The following SLC25A48 variants were observed in gnomAD, a reference collection of about 807,000 sequenced individuals.
SLC25A48 encodes CTC-321K16.1.
Under a neutral mutation model 32.2 loss-of-function variants are expected in SLC25A48, and 29 were observed. That is an observed-to-expected ratio of 0.90 (90% CI 0.67 to 1.23). The LOEUF (loss-of-function observed/expected upper bound fraction) is 1.23, where lower values mean the gene tolerates loss of function less well. Among genes scored for constraint, SLC25A48 ranks in the 50% most tolerant of loss-of-function variants. The pLI is 0.00. For synonymous variants in SLC25A48, 164 were observed against 172.3 expected, an observed-to-expected ratio of 0.95 and a Z score of 0.38; for missense variants, 399 against 422.7, an observed-to-expected ratio of 0.94 and a Z score of 0.49.
At chr5:135,603,761 T>C (rs1751860956) in intron 1 of SLC25A48, among the ~76,000 whole-genome samples, 1 of 151,996 alleles carries the variant, frequency 6.6e-6, no homozygotes, top group African/African-American at 2.4e-5. Context: ...CCTTTAGCAA[T>C]GAGATGCTCA....
Position 135,780,803 on chromosome 5 carries a change from A to G in SLC25A48, c.-520-31720A>G. Among the ~76,000 whole-genome samples, 2 of 115,978 alleles carry G rather than the reference A, an allele frequency of 1.7e-5. 1 individual carries two copies. The highest frequency in any genetic ancestry group is 1.8e-4 in the Admixed American group (2 of 11,208). The allele number at this position is 115,978 out of a possible 152,430, so 76.1% of individuals were successfully genotyped here. A position where few individuals can be genotyped will look rare whatever the true frequency, so the allele number is the denominator to read the frequency against. On this transcript the variant is annotated intron_variant, in intron 3 of 10. Coordinates refer to the SLC25A48 transcript ENST00000646290. ...TAATATCCGGGGAGGTGGGGAGAGG[A>G]TGATATTACTCCCAATATCGCAGGC...
chr5:135,672,754 A>G (rs1462485062), intron 3 of SLC25A48, among the ~76,000 whole-genome samples: 1 of 152,234 alleles, frequency 6.6e-6, no homozygotes, highest in African/African-American at 2.4e-5. Flanking sequence ...ACATATTTAA[A>G]GTGTGCAATT....
chr5:135,871,523 G>T lies in SLC25A48; in HGVS notation c.484G>T (p.Val162Leu). The T allele has an allele frequency of 3.1e-6, 5 of 1,613,326 alleles. No homozygotes were observed. The highest frequency in any genetic ancestry group is 4.2e-6 in the Non-Finnish European group (5 of 1,179,358). Residue 162 changes from valine (V) to leucine (L), a missense_variant, in exon 5 of 8, where the codon GTG becomes TTG. Physicochemically the swap from Val to Leu is conservative, Grantham distance 32 (BLOSUM62 1). Coordinates refer to ENST00000681962, the MANE Select transcript of SLC25A48 (RefSeq NM_001349336.2). ...PAEQPAYQGP[V>L]HCITTIVRNE... ...GGAGCAGCCAGCATACCAGGGGCCAGTGCACTGCATTACAACCATTGTGAG... is the reference window on the plus strand; with the variant it reads ...GGAGCAGCCAGCATACCAGGGGCCATTGCACTGCATTACAACCATTGTGAG...
intron 6 of SLC25A48, among the ~76,000 whole-genome samples, chr5:135,877,470 T>A (rs1055186537): frequency 1.3e-5 from 2 of 152,012 alleles, no homozygotes; most frequent in African/African-American, 4.8e-5. Flanking sequence ...CCAGGAAACC[T>A]GAACTGCAGG....
chr5:135,787,903 A>G (rs1402108088), intron 3 of SLC25A48, among the ~76,000 whole-genome samples: 4 of 151,914 alleles, frequency 2.6e-5, no homozygotes, highest in Non-Finnish European at 5.9e-5. Context: ...TATTACTGCT[A>G]ATAGCCTTGG....
intron 3 of SLC25A48, among the ~76,000 whole-genome samples, chr5:135,755,367 TTCA>T (rs1297057418): frequency 6.6e-6 from 1 of 152,044 alleles, no homozygotes; most frequent in African/African-American, 2.4e-5. Flanking sequence ...CACTGTGGTA[TTCA>T]TCATATCTAA....
At chr5:135,757,619 T>C (rs943888617) in intron 3 of SLC25A48, among the ~76,000 whole-genome samples, 13 of 149,596 alleles carry the variant, frequency 8.7e-5, no homozygotes, top group Non-Finnish European at 1.9e-4. Flanking sequence ...ATGATATTAA[T>C]AAAATATCTA....
At chr5:135,797,940 G>T (rs548881011) in intron 3 of SLC25A48, among the ~76,000 whole-genome samples, 8 of 151,996 alleles carry the variant, frequency 5.3e-5, no homozygotes, top group African/African-American at 1.7e-4. Flanking sequence ...ACCGCATGGG[G>T]TGTACACCCC....
intron 1 of SLC25A48, among the ~76,000 whole-genome samples, chr5:135,627,403 A>C (rs1752462374): frequency 6.6e-6 from 1 of 152,116 alleles, no homozygotes; most frequent in Non-Finnish European, 1.5e-5. Flanking sequence ...GGTCATGACT[A>C]TGATTCTGCC....
At chr5:135,731,050 A>T (rs1291750331) in intron 3 of SLC25A48, among the ~76,000 whole-genome samples, 2 of 152,210 alleles carry the variant, frequency 1.3e-5, no homozygotes, top group Non-Finnish European at 2.9e-5. Flanking sequence ...GTGAGCAACA[A>T]GGCTGTTTAT....
intron 1 of SLC25A48, among the ~76,000 whole-genome samples, chr5:135,628,283 G>A (rs960926613): frequency 5.9e-5 from 9 of 152,096 alleles, no homozygotes; most frequent in South Asian, 2.1e-4. Context: ...AAACCTTTTC[G>A]TGGAGGTGCT....
chr5:135,742,408 C>G, intron 3 of SLC25A48: 1 of 1,344,852 alleles, frequency 7.4e-7, no homozygotes, highest in South Asian at 1.7e-5. Flanking sequence ...ATAGCCATCA[C>G]GACCCTCAGA....
intron 2 of SLC25A48, among the ~76,000 whole-genome samples, chr5:135,631,795 T>C (rs1752577808): frequency 6.6e-6 from 1 of 152,256 alleles, no homozygotes; most frequent in Non-Finnish European, 1.5e-5. Context: ...TTGCAATTTA[T>C]CCCTATACGG....
At chr5:135,694,275 G>T (rs192017745) in intron 3 of SLC25A48, among the ~76,000 whole-genome samples, 138 of 152,252 alleles carry the variant, frequency 9.1e-4, no homozygotes, top group African/African-American at 3.0e-3. Context: ...GATGTGTCCC[G>T]CCCACACAGG....
intron 1 of SLC25A48, among the ~76,000 whole-genome samples, chr5:135,603,565 T>TG (rs35515753): frequency 2.0e-5 from 3 of 151,786 alleles, no homozygotes; most frequent in Non-Finnish European, 4.4e-5. Flanking sequence ...TGTCTGGTGG[T>TG]GGGGGGGTGC....
intron 3 of SLC25A48, among the ~76,000 whole-genome samples, chr5:135,706,308 A>G (rs1044301282): frequency 3.3e-5 from 5 of 152,158 alleles, no homozygotes; most frequent in African/African-American, 9.7e-5. Context: ...AGTTGGGTGT[A>G]GGAGGTACCA....
intron 3 of SLC25A48, among the ~76,000 whole-genome samples, chr5:135,639,257 G>A (rs1426742431): frequency 1.3e-5 from 2 of 152,108 alleles, no homozygotes; most frequent in African/African-American, 2.4e-5. Flanking sequence ...GTGCATAAAG[G>A]GCTATAGTAC....
rs1352957206 is a variant in SLC25A48 at position 135,834,807 on chromosome 5, G to T, written c.-41G>T. 5 of 1,556,756 alleles carry T rather than the reference G, an allele frequency of 3.2e-6. No homozygotes were observed. Among genetic ancestry groups the T allele is most frequent in the Non-Finnish European group, 4.3e-6 (5 of 1,151,334 alleles). On this transcript the variant is annotated 5_prime_UTR_variant, in exon 1 of 8. Transcript: ENST00000681962. ...GCCATGCCCCACTGACTCTAAGTGG[G>T]CACTGCCCCGGCTCCGGGAGGGCGA...
chr5:135,730,503 C>T (rs1413462104), intron 3 of SLC25A48, among the ~76,000 whole-genome samples: 1 of 152,184 alleles, frequency 6.6e-6, no homozygotes, highest in Non-Finnish European at 1.5e-5. Context: ...TCCAATTAAA[C>T]CTCTTTCTTT....
Sources: gnomAD v4.1 joint callset for allele counts (sites outside exome capture counted in the v4.1 genomes callset) on GRCh38, gnomAD v4.1.1 for gene constraint, MANE v1.5 for transcripts, NCBI Gene and HGNC (gene_info 2026-07-23, HGNC 2026-07-21) for gene names.